The following UIMC1 variants were observed in gnomAD, a reference collection of about 807,000 sequenced individuals.
UIMC1 encodes ubiquitin interaction motif containing 1.
In UIMC1, 42 loss-of-function variants were observed where a neutral mutation model predicts 84.9. The ratio of observed to expected loss-of-function variants is 0.49; its 90% CI spans 0.39 to 0.64. The LOEUF (loss-of-function observed/expected upper bound fraction) is 0.64. Ranked by LOEUF, UIMC1 falls within the 30% of genes least tolerant of loss-of-function variation. The pLI is 0.00. For synonymous variants in UIMC1, 281 were observed against 293.0 expected, an observed-to-expected ratio of 0.96 and a Z score of 0.42; for missense variants, 825 against 847.6, an observed-to-expected ratio of 0.97 and a Z score of 0.33.
At position 176,998,236 on chromosome 5, in the gene UIMC1, G is replaced by A. The variant is rs557675746; in HGVS notation, c.-9+8414C>T. On this transcript the variant is annotated intron_variant, in intron 1 of 14. Coordinates refer to ENST00000511320, the MANE Select transcript of UIMC1 (RefSeq NM_001199298.2). ...TCACCCCTGTAATCCCAGCACTTTC[G>A]GCAGATCATCTGAGGTCAGGAGTTC... Among the ~76,000 whole-genome samples, 164 of 151,986 alleles carry A rather than the reference G, an allele frequency of 1.1e-3. No homozygotes were observed. In the South Asian group the frequency reaches 0.013, roughly 12 times the overall value.
At chr5:176,956,187 T>G in intron 7 of UIMC1, 152 bp from the exon 8 acceptor site, 1 of 630,082 alleles carries the variant, frequency 1.6e-6, no homozygotes, top group Non-Finnish European at 2.8e-6. Context: ...AAGGAATCAG[T>G]ACTGAAAACT....
In UIMC1 at chr5:176,938,028, A is replaced by C. The variant is rs568158818; in HGVS notation, c.1597+5307T>G. ...CAGCATAAAAAGACTCCATCTCTAC[A>C]AAAAATAAAAAATTAGCCAGGCGTG... On this transcript the variant is annotated intron_variant, in intron 10 of 14. Transcript: ENST00000511320. Among the ~76,000 whole-genome samples the C allele has an allele frequency of 5.9e-5, 9 of 151,950 alleles. 1 individual carries two copies. The highest frequency in any genetic ancestry group is 6.8e-3 in the Middle Eastern group (2 of 294).
intron 14 of UIMC1, 177 bp downstream of exon 14, chr5:176,905,834 T>C (rs1266263115): frequency 1.5e-6 from 1 of 672,564 alleles, no homozygotes; most frequent in Non-Finnish European, 2.5e-6. Flanking sequence ...ATGAATTGAG[T>C]TATCCAATCT....
chr5:176,953,030 C>G (rs967793055), intron 8 of UIMC1, among the ~76,000 whole-genome samples: 2 of 152,042 alleles, frequency 1.3e-5, no homozygotes, highest in African/African-American at 4.8e-5. Flanking sequence ...AGCATAGGGC[C>G]TTCCCTCAAA....
intron 2 of UIMC1, among the ~76,000 whole-genome samples, chr5:176,981,176 CCTCT>C (rs1435457993): frequency 6.8e-6 from 1 of 147,896 alleles, no homozygotes; most frequent in African/African-American, 2.5e-5. Flanking sequence ...ACGGAGTCTC[CCTCT>C]GTCACCCAGG....
rs373779073 is a variant in UIMC1, at chr5:176,908,518, C to T, written c.1848+5G>A. On this transcript the variant is annotated splice_donor_5th_base_variant and intron_variant, in intron 12 of 14. Coordinates refer to ENST00000511320, the MANE Select transcript of UIMC1 (RefSeq NM_001199298.2). ...GTGGCCTTTCCCAAAACACTCTACACATACCTTTGGGTTCTTCAGCCTCTG... is the reference window on the plus strand; with the variant it reads ...GTGGCCTTTCCCAAAACACTCTACATATACCTTTGGGTTCTTCAGCCTCTG... The T allele has an allele frequency of 2.5e-6, 4 of 1,612,632 alleles. No homozygotes were observed. Among genetic ancestry groups the T allele is most frequent in the Non-Finnish European group, 3.4e-6 (4 of 1,179,566 alleles).
intron 1 of UIMC1, among the ~76,000 whole-genome samples, chr5:177,012,639 G>A (rs1427358224): frequency 2.6e-5 from 4 of 152,088 alleles, no homozygotes; most frequent in Non-Finnish European, 5.9e-5. Context: ...GTTGCAATGA[G>A]CTGAGATCGC....
chr5:176,986,877 G>A (rs1014387325), intron 1 of UIMC1, among the ~76,000 whole-genome samples: 2 of 152,044 alleles, frequency 1.3e-5, no homozygotes, highest in African/African-American at 4.8e-5. Flanking sequence ...ATCACGATTT[G>A]CAGATGACAT....
intron 1 of UIMC1, among the ~76,000 whole-genome samples, chr5:177,014,800 T>C (rs1156710182): frequency 1.3e-5 from 2 of 152,176 alleles, no homozygotes; most frequent in Non-Finnish European, 2.9e-5. Context: ...GTGCTAAAGT[T>C]CATCCAGCAG....
chr5:176,969,527 T>C (rs1718272799), intron 5 of UIMC1, 74 bp downstream of exon 5: 1 of 1,481,820 alleles, frequency 6.7e-7, no homozygotes, highest in Admixed American at 1.9e-5. Context: ...TTTCCGTGTA[T>C]CTACTCTCAG....
intron 9 of UIMC1, among the ~76,000 whole-genome samples, chr5:176,944,227 T>A (rs1158199627): frequency 6.6e-6 from 1 of 152,132 alleles, no homozygotes; most frequent in Non-Finnish European, 1.5e-5. Flanking sequence ...CTTTCTGGAT[T>A]GAAAGAGGAA....
chr5:176,975,473 T>G lies in UIMC1; in HGVS notation c.155A>C (p.Lys52Thr), dbSNP rs774765100. Residue 52 changes from lysine to threonine, a missense_variant, in exon 3 of 15, where the codon AAG becomes ACG. Lys to Thr is a moderately conservative substitution (Grantham distance 78). Transcript: ENST00000511320. Reference protein sequence around the residue: ...VISDSDGEEPKEENGLQKTKT... With the variant: ...VISDSDGEEPTEENGLQKTKT... ...CGTTTTCTGCAACCCATTTTCCTCCTTTGGTTCCTGTTGCAAAACAAGAAA... is the reference window on the plus strand; with the variant it reads ...CGTTTTCTGCAACCCATTTTCCTCCGTTGGTTCCTGTTGCAAAACAAGAAA... The G allele has an allele frequency of 1.2e-6, 2 of 1,614,058 alleles. No individual in the cohort carries two copies. Among genetic ancestry groups the G allele is most frequent in the South Asian group, 2.2e-5 (2 of 91,066 alleles).
At chr5:176,977,057 T>C (rs1294371943) in intron 2 of UIMC1, among the ~76,000 whole-genome samples, 1 of 151,946 alleles carries the variant, frequency 6.6e-6, no homozygotes. Flanking sequence ...ACCCAATCTC[T>C]ACTAAAAATA....
Position 176,969,624 on chromosome 5 carries a change from G to T in UIMC1, c.440C>A (p.Thr147Asn). The stretch of plus-strand genomic sequence containing the variant: ...GCCTTCAGTGAGCCCAGAGTCTGTG[G>T]TTTTCTCTTGATGGGACTGGGAAGA... ...GPSSQSHQEK[T>N]TDSGLTEGIW... Residue 147 changes from threonine (T) to asparagine (N), a missense_variant, in exon 5 of 15, where the codon ACC (threonine) becomes AAC (asparagine). Transcript: ENST00000511320. 1 of 1,614,168 alleles carries T rather than the reference G, an allele frequency of 6.2e-7. No homozygotes were observed. Among genetic ancestry groups the T allele is most frequent in the Non-Finnish European group, 8.5e-7 (1 of 1,180,024 alleles).
At chr5:176,933,724 T>C (rs944916937) in intron 10 of UIMC1, among the ~76,000 whole-genome samples, 2 of 151,918 alleles carry the variant, frequency 1.3e-5, no homozygotes, top group East Asian at 1.9e-4. Context: ...TTTGCAGAGA[T>C]AGTGTCTTCC....
intron 10 of UIMC1, among the ~76,000 whole-genome samples, chr5:176,915,241 C>CTTTTTT (rs34866468): frequency 1.4e-5 from 2 of 139,252 alleles, no homozygotes; most frequent in African/African-American, 2.7e-5. Context: ...TATTTTGTTT[C>CTTTTTT]TTTTTTTTTT....
rs73343916 is a variant in UIMC1, at chr5:177,015,494, C to T, written c.-9+6970G>A. 9.3e-3 allele frequency among the ~76,000 whole-genome samples: 1,423 copies of T among 152,230 alleles called. 23 individuals carry two copies. Among genetic ancestry groups the T allele is most frequent in the African/African-American group, 0.032 (1,328 of 41,546 alleles). On this transcript the variant is annotated intron_variant, in intron 1 of 5. Transcript: ENST00000509236. The stretch of plus-strand genomic sequence containing the variant: ...CCCTCCAGCTCCAAGGGTGGCCCAG[C>T]GGGGCATGTAGAGTGGCTGGAATTC...
intron 7 of UIMC1, among the ~76,000 whole-genome samples, chr5:176,956,917 C>CAG (rs201654560): frequency 0.011 from 1,629 of 152,206 alleles, 11 homozygotes; most frequent in South Asian, 0.025. Context: ...CCCAGCCAGA[C>CAG]AGTTTACTCT....
chr5:176,908,776 GT>G lies in UIMC1; in HGVS notation c.1677-83del, dbSNP rs1458300181. 15 of 1,471,652 alleles carry G rather than the reference GT, an allele frequency of 1.0e-5. No individual in the cohort carries two copies. In the Admixed American group the frequency reaches 2.9e-4, roughly 28 times the overall value. 91.2% of individuals were successfully genotyped at this position (1,471,652 alleles called of 1,614,324 possible). A position where few individuals can be genotyped will look rare whatever the true frequency, so the allele number is the denominator to read the frequency against. On this transcript the variant is annotated intron_variant, in intron 11 of 14. Transcript: ENST00000511320. ...GGCCCCTGGATATGTCTCAAATTGT[GT>G]TTTTACGTCGCAAAGTTATTCTATG...
Sources: gnomAD v4.1 joint callset for allele counts (sites outside exome capture counted in the v4.1 genomes callset) on GRCh38, gnomAD v4.1.1 for gene constraint, MANE v1.5 for transcripts, NCBI Gene and HGNC (gene_info 2026-07-23, HGNC 2026-07-21) for gene names.